Variants in CLEC16A observed in about 807,000 individuals in gnomAD.
CLEC16A encodes C-type lectin domain containing 16A.
CLEC16A carries 51 observed loss-of-function variants against 109.5 expected under a neutral mutation model. The observed-to-expected ratio is 0.47, with a 90% CI of 0.37 to 0.59. CLEC16A has a LOEUF of 0.59. Among genes scored for constraint, CLEC16A ranks in the 20% least tolerant of loss-of-function variants. The pLI, the probability that CLEC16A is intolerant of heterozygous loss-of-function variation, is 0.00. For synonymous variants in CLEC16A, 673 were observed against 564.2 expected, an observed-to-expected ratio of 1.19 and a Z score of -2.73; for missense variants, 1,339 against 1,394.0, an observed-to-expected ratio of 0.96 and a Z score of 0.63.
In CLEC16A at chr16:11,055,618, C is replaced by T. The variant is rs1158825198; in HGVS notation, c.1995+3977C>T. Among the ~76,000 whole-genome samples the T allele has an allele frequency of 1.5e-4, 15 of 101,198 alleles. No individual in the cohort carries two copies. The Admixed American group carries it at 1.6e-3, about 10-fold the overall frequency. The allele number at this position is 101,198 out of a possible 152,430, so 66.4% of individuals were successfully genotyped here. A position where few individuals can be genotyped will look rare whatever the true frequency, so the allele number is the denominator to read the frequency against. On this transcript the variant is annotated intron_variant, in intron 18 of 23. Transcript: ENST00000409790. Reference sequence around the variant, plus strand: ...TTTTTTTTTTTTTTGAGACGAGTCTCAGTCTGTCACCCATGCTGGAGTGCA... The same window carrying T: ...TTTTTTTTTTTTTTGAGACGAGTCTTAGTCTGTCACCCATGCTGGAGTGCA...
At chr16:11,104,851 G>T (rs1176043858) in intron 19 of CLEC16A, among the ~76,000 whole-genome samples, 1 of 152,138 alleles carries the variant, frequency 6.6e-6, no homozygotes, top group Non-Finnish European at 1.5e-5. Flanking sequence ...AGGCACAAAT[G>T]GGGTAGAGAG....
chr16:11,162,963 C>G (rs111865257), intron 22 of CLEC16A, among the ~76,000 whole-genome samples: 113 of 152,258 alleles, frequency 7.4e-4, no homozygotes, highest in African/African-American at 2.6e-3. Context: ...TGAAGCATAC[C>G]CAGGGAGAGC....
intron 19 of CLEC16A, among the ~76,000 whole-genome samples, chr16:11,083,987 G>A (rs904389260): frequency 2.0e-5 from 3 of 152,196 alleles, no homozygotes; most frequent in Non-Finnish European, 4.4e-5. Flanking sequence ...GCCCCCCATT[G>A]CTGGTTTTCT....
Position 11,150,304 on chromosome 16 carries a change from A to G in CLEC16A, c.2642-16084A>G, listed in dbSNP as rs892507921. 5.3e-5 allele frequency: 8 copies of G among 152,254 alleles called. No individual in the cohort carries two copies. The South Asian group carries it at 6.2e-4, about 12-fold the overall frequency. 9.4% of individuals were successfully genotyped at this position (152,254 alleles called of 1,614,324 possible). On this transcript the variant is annotated intron_variant, in intron 22 of 23. Coordinates refer to ENST00000409790, the MANE Select transcript of CLEC16A (RefSeq NM_015226.3). ...GTTTGGGCTTCCCTTAAATAAAATC[A>G]TAATTCTGTATACCCTGCTGCACCT... is the stretch of plus-strand genomic sequence containing the variant.
Position 11,120,673 on chromosome 16 carries a change from A to G in CLEC16A, c.2175A>G (p.Arg725=), listed in dbSNP as rs368868865. 21 of 1,612,938 alleles carry G rather than the reference A, an allele frequency of 1.3e-5. No homozygotes were observed. In the African/African-American group the frequency reaches 2.5e-4, roughly 19 times the overall value. ...CCAAGGATGGCGGCATGGTCCAGCG[A>G]TTCCTGGCTGTGGATATTTACCAGA... ...VITKDGGMVQ[R]FLAVDIYQMS... Residue 725 remains arginine (R), a synonymous_variant, in exon 20 of 24, where the codon CGA becomes CGG. Coordinates refer to ENST00000409790, the MANE Select transcript of CLEC16A (RefSeq NM_015226.3).
intron 2 of CLEC16A, 84 bp from the exon 3 acceptor site, chr16:10,962,371 C>T: frequency 1.3e-6 from 2 of 1,550,040 alleles, no homozygotes; most frequent in South Asian, 1.1e-5. Context: ...GAATCTAATA[C>T]TTGTGTTGTG....
chr16:11,024,085 G>C (rs1006882727), intron 12 of CLEC16A: 1 of 152,248 alleles, frequency 6.6e-6, no homozygotes, highest in African/African-American at 2.4e-5. Context: ...AAGTCAGCCT[G>C]AGAAATTGCT....
At chr16:11,032,445 C>G (rs966775503) in intron 13 of CLEC16A, among the ~76,000 whole-genome samples, 9 of 152,238 alleles carry the variant, frequency 5.9e-5, no homozygotes, top group African/African-American at 1.7e-4. Context: ...GAGAGGCTTT[C>G]TTATCATTCA....
chr16:11,087,671 G>A (rs1037518108), intron 19 of CLEC16A, among the ~76,000 whole-genome samples: 2 of 152,224 alleles, frequency 1.3e-5, no homozygotes, highest in Admixed American at 1.3e-4. Context: ...TCTTCCAGGA[G>A]GGTGGAGAAT....
At chr16:11,168,568 G>C (rs966445386) in intron 23 of CLEC16A, among the ~76,000 whole-genome samples, 1 of 152,192 alleles carries the variant, frequency 6.6e-6, no homozygotes, top group East Asian at 1.9e-4. Flanking sequence ...GGGCAGCCTG[G>C]GCTTTACTCT....
intron 10 of CLEC16A, among the ~76,000 whole-genome samples, chr16:10,991,652 T>A (rs968477847): frequency 6.6e-6 from 1 of 152,176 alleles, no homozygotes; most frequent in African/African-American, 2.4e-5. Context: ...TGTCCCCATG[T>A]CTAGCATGGT....
intron 16 of CLEC16A, among the ~76,000 whole-genome samples, chr16:11,045,839 G>T (rs554738771): frequency 1.3e-5 from 2 of 152,152 alleles, no homozygotes; most frequent in African/African-American, 4.8e-5. Flanking sequence ...TGCAGGAATC[G>T]TTTTAAGCGA....
At chr16:11,017,105 A>T (rs2045804321) in intron 11 of CLEC16A, among the ~76,000 whole-genome samples, 2 of 151,948 alleles carry the variant, frequency 1.3e-5, no homozygotes, top group Admixed American at 1.3e-4. Context: ...CCACGAGAAC[A>T]CTTTGTGACC....
At chr16:10,997,184 A>G (rs1215853231) in intron 10 of CLEC16A, among the ~76,000 whole-genome samples, 1 of 152,016 alleles carries the variant, frequency 6.6e-6, no homozygotes, top group African/African-American at 2.4e-5. Context: ...CTCATCTTGA[A>G]CTTCTGGGCT....
chr16:10,977,845 G>T (rs1313858272), intron 8 of CLEC16A, among the ~76,000 whole-genome samples: 2 of 152,126 alleles, frequency 1.3e-5, no homozygotes, highest in Non-Finnish European at 2.9e-5. Context: ...AAGCACACTG[G>T]CTTTCCTTTC....
At chr16:11,135,471 G>A (rs2153056402) in intron 22 of CLEC16A, among the ~76,000 whole-genome samples, 1 of 152,362 alleles carries the variant, frequency 6.6e-6, no homozygotes. Context: ...ACAGTAGGCA[G>A]GGCCAGCCAT....
chr16:11,175,681 G>A (rs2068720897), intron 23 of CLEC16A, among the ~76,000 whole-genome samples: 1 of 152,248 alleles, frequency 6.6e-6, no homozygotes, highest in Non-Finnish European at 1.5e-5. Flanking sequence ...GCTACTTTTA[G>A]CGGGGAAACC....
chr16:11,166,320 A>T (rs997732732), intron 22 of CLEC16A, 68 bp from the exon 23 acceptor site: 2 of 1,494,736 alleles, frequency 1.3e-6, no homozygotes, highest in Non-Finnish European at 9.0e-7. Context: ...GTTCAGTGGA[A>T]CCATGACATT....
At chr16:11,072,309 G>T (rs1188387463) in intron 19 of CLEC16A, among the ~76,000 whole-genome samples, 1 of 150,812 alleles carries the variant, frequency 6.6e-6, no homozygotes, top group East Asian at 2.0e-4. Context: ...TGTGGAGATG[G>T]GGTCTCTCTA....
Sources: gnomAD v4.1 joint callset for allele counts (sites outside exome capture counted in the v4.1 genomes callset) on GRCh38, gnomAD v4.1.1 for gene constraint, MANE v1.5 for transcripts, NCBI Gene and HGNC (gene_info 2026-07-23, HGNC 2026-07-21) for gene names.